CDH9: variants seen among roughly 807,000 people sequenced by gnomAD.
The protein encoded by CDH9 is cadherin 9.
Under a neutral mutation model 70.9 loss-of-function variants are expected in CDH9, and 28 were observed. That is an observed-to-expected ratio of 0.40 (90% CI 0.29 to 0.54). The LOEUF is 0.54. Among genes scored for constraint, CDH9 ranks in the 20% least tolerant of loss-of-function variants. The pLI, the probability that CDH9 is intolerant of heterozygous loss-of-function variation, is 0.59. For synonymous variants in CDH9, 409 were observed against 343.1 expected, an observed-to-expected ratio of 1.19 and a Z score of -2.12; for missense variants, 874 against 984.4, an observed-to-expected ratio of 0.89 and a Z score of 1.50.
chr5:26,961,020 T>C (rs917193470), intron 2 of CDH9, among the ~76,000 whole-genome samples: 3 of 151,502 alleles, frequency 2.0e-5, no homozygotes, highest in Non-Finnish European at 4.4e-5. Flanking sequence ...GAAAGTAGAG[T>C]CCTTCCTCTC....
At chr5:27,027,204 T>C (rs1743234947) in intron 1 of CDH9, among the ~76,000 whole-genome samples, 1 of 152,052 alleles carries the variant, frequency 6.6e-6, no homozygotes, top group African/African-American at 2.4e-5. Context: ...TTGAGTATTC[T>C]ATATTAATTT....
chr5:27,028,453 G>A (rs950886359), intron 1 of CDH9: 3 of 151,844 alleles, frequency 2.0e-5, no homozygotes, highest in South Asian at 2.1e-4. Context: ...TACTGCATAG[G>A]GCTTGATATA....
At chr5:27,002,955 A>G (rs181631708) in intron 1 of CDH9, among the ~76,000 whole-genome samples, 48 of 152,248 alleles carry the variant, frequency 3.2e-4, no homozygotes, top group African/African-American at 1.1e-3. Flanking sequence ...TAAGTAAAAT[A>G]AAAAGACAAA....
chr5:26,940,162 C>CAAAA (rs36027792), intron 2 of CDH9, among the ~76,000 whole-genome samples: 25 of 136,238 alleles, frequency 1.8e-4, no homozygotes, highest in Non-Finnish European at 3.8e-4. Context: ...GACTCAGTTG[C>CAAAA]AAAAAAAAAA....
chr5:27,016,118 T>C (rs567392502), intron 1 of CDH9, among the ~76,000 whole-genome samples: 5 of 151,966 alleles, frequency 3.3e-5, no homozygotes, highest in African/African-American at 1.2e-4. Flanking sequence ...TCCTTAACTG[T>C]AACCATCCTC....
intron 1 of CDH9, among the ~76,000 whole-genome samples, chr5:27,036,413 T>C (rs1333687562): frequency 6.6e-6 from 1 of 151,958 alleles, no homozygotes; most frequent in Non-Finnish European, 1.5e-5. Context: ...ACTTTGATAT[T>C]GTACTCTTCT....
intron 2 of CDH9, among the ~76,000 whole-genome samples, chr5:26,930,878 T>A (rs1034805360): frequency 5.9e-5 from 9 of 152,150 alleles, no homozygotes; most frequent in African/African-American, 2.2e-4. Context: ...GCCATAAATG[T>A]ATTTCTTTGT....
intron 2 of CDH9, among the ~76,000 whole-genome samples, chr5:26,950,490 A>G (rs1034633838): frequency 2.0e-5 from 3 of 152,230 alleles, no homozygotes; most frequent in South Asian, 2.1e-4. Flanking sequence ...AAATGCCTCT[A>G]GAAACTTTCC....
At chr5:26,921,771 G>C (rs948661711) in intron 2 of CDH9, among the ~76,000 whole-genome samples, 11 of 152,018 alleles carry the variant, frequency 7.2e-5, no homozygotes, top group African/African-American at 2.4e-4. Context: ...TCTTCCAAGT[G>C]AGTCTAAGAA....
chr5:27,025,730 A>C (rs1360600008), intron 1 of CDH9, among the ~76,000 whole-genome samples: 1 of 152,032 alleles, frequency 6.6e-6, no homozygotes, highest in African/African-American at 2.4e-5. Context: ...CTTTGGCGAC[A>C]TTTGAGAGAA....
At chr5:26,888,883 C>T (rs1282176842) in intron 9 of CDH9, among the ~76,000 whole-genome samples, 1 of 152,130 alleles carries the variant, frequency 6.6e-6, no homozygotes, top group Admixed American at 6.6e-5. Flanking sequence ...CATGAGCTCT[C>T]TGTTATCTTT....
chr5:26,902,543 C>T lies in CDH9; in HGVS notation c.1186G>A (p.Val396Ile). 1 of 1,593,740 alleles carries T rather than the reference C, an allele frequency of 6.3e-7. No individual in the cohort carries two copies. Among genetic ancestry groups the T allele is most frequent in the Admixed American group, 1.7e-5 (1 of 59,832 alleles). ...TGTCCAATGATACTGCCCTCCTTTACATCTTCATCTACTTCTATCAAGTAA... is the reference window on the plus strand; with the variant it reads ...TGTCCAATGATACTGCCCTCCTTTATATCTTCATCTACTTCTATCAAGTAA... ...VSYLIEVDED[V>I]KEGSIIGQVT... is the part of the protein sequence containing the mutation. Residue 396 changes from valine to isoleucine, a missense_variant, in exon 7 of 12, where the codon GTA (valine) becomes ATA (isoleucine). Val to Ile is a conservative substitution (Grantham distance 29, BLOSUM62 3). Coordinates refer to ENST00000231021, the MANE Select transcript of CDH9 (RefSeq NM_016279.4).
intron 7 of CDH9, among the ~76,000 whole-genome samples, chr5:26,899,749 T>G (rs1186079231): frequency 6.6e-6 from 1 of 151,698 alleles, no homozygotes; most frequent in East Asian, 1.9e-4. Flanking sequence ...GGGATAGCAT[T>G]AGGAAAAATA....
intron 2 of CDH9, among the ~76,000 whole-genome samples, chr5:26,955,927 A>T (rs752276470): frequency 4.6e-5 from 7 of 152,130 alleles, no homozygotes; most frequent in African/African-American, 1.4e-4. Flanking sequence ...GAATAATTTA[A>T]CCTTTTTATA....
intron 1 of CDH9, among the ~76,000 whole-genome samples, chr5:27,033,021 T>C (rs1033784049): frequency 1.3e-5 from 2 of 151,186 alleles, no homozygotes; most frequent in African/African-American, 2.4e-5. Flanking sequence ...ATAATAAATT[T>C]TGTGAGGTGT....
At chr5:26,987,005 T>A (rs1742498045) in intron 2 of CDH9, among the ~76,000 whole-genome samples, 1 of 151,286 alleles carries the variant, frequency 6.6e-6, no homozygotes, top group South Asian at 2.1e-4. Flanking sequence ...AAGAATTAGA[T>A]CAAAATTTTG....
At chr5:27,013,898 T>C (rs1743003521) in intron 1 of CDH9, among the ~76,000 whole-genome samples, 1 of 152,004 alleles carries the variant, frequency 6.6e-6, no homozygotes, top group Non-Finnish European at 1.5e-5. Context: ...TAAATATATT[T>C]CCTGAGATAA....
intron 2 of CDH9, among the ~76,000 whole-genome samples, chr5:26,936,221 G>T (rs572902331): frequency 1.3e-5 from 2 of 151,880 alleles, no homozygotes; most frequent in Admixed American, 6.6e-5. Context: ...AGCCAAAACC[G>T]CCTGTATCCG....
intron 2 of CDH9, among the ~76,000 whole-genome samples, chr5:26,976,456 T>C (rs892044614): frequency 1.3e-5 from 2 of 152,128 alleles, no homozygotes; most frequent in Non-Finnish European, 2.9e-5. Context: ...TTGTTTGTTT[T>C]GTTATTTGAG....
Sources: gnomAD v4.1 joint callset for allele counts (sites outside exome capture counted in the v4.1 genomes callset) on GRCh38, gnomAD v4.1.1 for gene constraint, MANE v1.5 for transcripts, NCBI Gene and HGNC (gene_info 2026-07-23, HGNC 2026-07-21) for gene names.